Variants in TMOD3 observed in about 807,000 individuals in gnomAD.
The protein encoded by TMOD3 is tropomodulin-3.
TMOD3 carries 20 observed loss-of-function variants against 39.2 expected under a neutral mutation model. The ratio of observed to expected loss-of-function variants is 0.51; its 90% CI spans 0.36 to 0.74. The LOEUF (loss-of-function observed/expected upper bound fraction) is 0.74. TMOD3 is among the 30% of genes least tolerant of loss of function. TMOD3 has a pLI of 0.00. For missense variants in TMOD3, 381 were observed against 412.8 expected (o/e 0.92, Z 0.67); for synonymous variants, 143 against 145.8 (o/e 0.98, Z 0.14).
At chr15:51,874,076 C>T (rs1337112491) in intron 3 of TMOD3, among the ~76,000 whole-genome samples, 2 of 152,182 alleles carry the variant, frequency 1.3e-5, no homozygotes, top group African/African-American at 2.4e-5. Flanking sequence ...GCCAGAATTA[C>T]ACATAACTGG....
chr15:51,893,294 C>CAAAA (rs59321162), intron 5 of TMOD3, among the ~76,000 whole-genome samples: 1 of 59,008 alleles, frequency 1.7e-5, no homozygotes, highest in Non-Finnish European at 2.9e-5. Flanking sequence ...GACTCCATCT[C>CAAAA]AAAAAAAAAA....
At chr15:51,853,083 AATTT>A (rs1323848215) in intron 1 of TMOD3, among the ~76,000 whole-genome samples, 1 of 152,236 alleles carries the variant, frequency 6.6e-6, no homozygotes, top group African/African-American at 2.4e-5. Context: ...CCAAAATATC[AATTT>A]ATTAATATCT....
intron 1 of TMOD3, chr15:51,860,875 G>A (rs969414230): frequency 1.8e-5 from 7 of 382,272 alleles, no homozygotes; most frequent in Non-Finnish European, 3.6e-5. Flanking sequence ...GGCAGAGGTT[G>A]CAGTGAGCCG....
intron 1 of TMOD3, among the ~76,000 whole-genome samples, chr15:51,845,690 G>A (rs2056332319): frequency 6.6e-6 from 1 of 152,168 alleles, no homozygotes; most frequent in Non-Finnish European, 1.5e-5. Flanking sequence ...CCAGAAGGTC[G>A]AGGCTGCAGT....
rs145662961 is a variant in TMOD3 at position 51,886,897 on chromosome 15, T to A, written c.284-692T>A. On this transcript the variant is annotated intron_variant, in intron 3 of 9. Coordinates refer to ENST00000308580, the MANE Select transcript of TMOD3 (RefSeq NM_014547.5). Reference sequence around the variant, plus strand: ...TCATAATTGTCTCTGCTATCCCCCATGTGACAATAACAGTTTGTTGCTTAA... The same window carrying A: ...TCATAATTGTCTCTGCTATCCCCCAAGTGACAATAACAGTTTGTTGCTTAA... Among the ~76,000 whole-genome samples the A allele has an allele frequency of 2.6e-3, 391 of 152,290 alleles. 2 individuals are homozygous for A. The highest frequency in any genetic ancestry group is 9.1e-3 in the African/African-American group (379 of 41,570).
intron 1 of TMOD3, among the ~76,000 whole-genome samples, chr15:51,837,367 T>G (rs1356618568): frequency 1.3e-5 from 2 of 152,068 alleles, no homozygotes; most frequent in African/African-American, 4.8e-5. Context: ...CCCCAAGATT[T>G]ATTTTCATTC....
At chr15:51,871,398 C>T (rs1268346165) in intron 3 of TMOD3, among the ~76,000 whole-genome samples, 3 of 152,132 alleles carry the variant, frequency 2.0e-5, no homozygotes, top group African/African-American at 7.2e-5. Flanking sequence ...ACTGGTTGAT[C>T]ACCTTCTGTT....
intron 1 of TMOD3, among the ~76,000 whole-genome samples, chr15:51,862,161 A>G (rs535823063): frequency 6.6e-6 from 1 of 152,236 alleles, no homozygotes; most frequent in South Asian, 2.1e-4. Flanking sequence ...GGAAATGATG[A>G]TGGTCCCTTC....
chr15:51,853,209 T>C (rs562418954), intron 1 of TMOD3, among the ~76,000 whole-genome samples: 1 of 152,272 alleles, frequency 6.6e-6, no homozygotes, highest in Admixed American at 6.5e-5. Context: ...CTTTATTGTT[T>C]GTTTATTTTT....
At chr15:51,906,826 G>A (rs2056683840) in intron 9 of TMOD3, among the ~76,000 whole-genome samples, 2 of 152,082 alleles carry the variant, frequency 1.3e-5, no homozygotes, top group Admixed American at 6.5e-5. Flanking sequence ...TTCGAGACCA[G>A]CCTCAACATG....
intron 1 of TMOD3, among the ~76,000 whole-genome samples, chr15:51,847,433 T>C (rs1186672008): frequency 1.3e-5 from 2 of 152,230 alleles, no homozygotes; most frequent in Non-Finnish European, 2.9e-5. Context: ...CACAGAATAA[T>C]CAACCACTAT....
intron 3 of TMOD3, among the ~76,000 whole-genome samples, chr15:51,870,495 T>C (rs1156374809): frequency 1.3e-5 from 2 of 152,216 alleles, no homozygotes; most frequent in Admixed American, 1.3e-4. Context: ...TTGGGCTTTT[T>C]ATTTGAGAAA....
At chr15:51,834,519 A>G (rs1281756733) in intron 1 of TMOD3, among the ~76,000 whole-genome samples, 3 of 152,138 alleles carry the variant, frequency 2.0e-5, no homozygotes, top group Non-Finnish European at 4.4e-5. Flanking sequence ...TGTTCCAGCA[A>G]CATAGGTTTA....
rs142510310 is a variant in TMOD3 at position 51,850,221 on chromosome 15, G to A, written c.-74-12590G>A. 2.0e-3 allele frequency among the ~76,000 whole-genome samples: 300 copies of A among 152,284 alleles called. 2 individuals carry two copies. The highest frequency in any genetic ancestry group is 2.1e-3 in the Non-Finnish European group (141 of 68,024). On this transcript the variant is annotated intron_variant, in intron 1 of 9. Coordinates refer to ENST00000308580, the MANE Select transcript of TMOD3 (RefSeq NM_014547.5). The stretch of plus-strand genomic sequence containing the variant: ...TGTATTACAGTCTGTGTGCTAATGG[G>A]CATGGTCCAGTAGAAAAAGAGCACA...
intron 1 of TMOD3, among the ~76,000 whole-genome samples, chr15:51,839,165 C>CTTTTTTT (rs60102349): frequency 2.8e-5 from 3 of 108,968 alleles, no homozygotes; most frequent in Non-Finnish European, 6.0e-5. Flanking sequence ...GTGTATCTCT[C>CTTTTTTT]TTTTTTTTTT....
Position 51,913,133 on chromosome 15 carries a change from C to A in TMOD3, c.*4323C>A, listed in dbSNP as rs1336550574. On this transcript the variant is annotated 3_prime_UTR_variant, in exon 10 of 10. Coordinates refer to ENST00000308580, the MANE Select transcript of TMOD3 (RefSeq NM_014547.5). ...GGATTACAGGCGTCCGCCACCACGC[C>A]CGGATAACTTTTTGTATTTTTAATA... The A allele has an allele frequency of 6.6e-6, 1 of 151,776 alleles. No homozygotes were observed. Among genetic ancestry groups the A allele is most frequent in the African/African-American group, 2.4e-5 (1 of 41,410 alleles). The allele number at this position is 151,776 out of a possible 1,614,324, so 9.4% of individuals were successfully genotyped here. A position where few individuals can be genotyped will look rare whatever the true frequency, so the allele number is the denominator to read the frequency against.
intron 3 of TMOD3, among the ~76,000 whole-genome samples, chr15:51,871,702 A>AG (rs2056475624): frequency 6.6e-6 from 1 of 152,194 alleles, no homozygotes; most frequent in Non-Finnish European, 1.5e-5. Context: ...AAAATACAAG[A>AG]GGGGGAAAAG....
rs1173322509 is a variant in TMOD3 at position 51,915,050 on chromosome 15, A to G, written c.*6240A>G. Reference sequence around the variant, plus strand: ...CAGCCCAAATTATTACATTCGTAAGACAGACACCTCTTAGAATCTATATAT... The same window carrying G: ...CAGCCCAAATTATTACATTCGTAAGGCAGACACCTCTTAGAATCTATATAT... On this transcript the variant is annotated 3_prime_UTR_variant, in exon 10 of 10. Transcript: ENST00000308580. 1.3e-5 allele frequency: 2 copies of G among 152,194 alleles called. No homozygotes were observed. Among genetic ancestry groups the G allele is most frequent in the Admixed American group, 6.5e-5 (1 of 15,282 alleles). The allele number at this position is 152,194 out of a possible 1,614,324, so 9.4% of individuals were successfully genotyped here.
In TMOD3 at chr15:51,909,527, A is replaced by G. The variant is rs2056699481; in HGVS notation, c.*717A>G. 1 of 152,628 alleles carries G rather than the reference A, an allele frequency of 6.6e-6. No individual in the cohort carries two copies. Among genetic ancestry groups the G allele is most frequent in the Non-Finnish European group, 1.5e-5 (1 of 68,026 alleles). 9.5% of individuals were successfully genotyped at this position (152,628 alleles called of 1,614,324 possible). On this transcript the variant is annotated 3_prime_UTR_variant, in exon 10 of 10. Coordinates refer to ENST00000308580, the MANE Select transcript of TMOD3 (RefSeq NM_014547.5). The stretch of plus-strand genomic sequence containing the variant: ...TTCATTCCAGTGTTTCATTTTAATA[A>G]TGTGGGCATTATTAAATTTTTGTGG...
Sources: gnomAD v4.1 joint callset for allele counts (sites outside exome capture counted in the v4.1 genomes callset) on GRCh38, gnomAD v4.1.1 for gene constraint, MANE v1.5 for transcripts, NCBI Gene and HGNC (gene_info 2026-07-23, HGNC 2026-07-21) for gene names.